SPOPL: variants seen among roughly 807,000 people sequenced by gnomAD.
SPOPL encodes speckle type BTB/POZ protein like, also known as speckle-type POZ protein-like.
In SPOPL, 23 loss-of-function variants were observed where a neutral mutation model predicts 53.8. The ratio of observed to expected loss-of-function variants is 0.43; its 90% confidence interval spans 0.31 to 0.61. The LOEUF is 0.61. Ranked by LOEUF, SPOPL falls within the 20% of genes least tolerant of loss-of-function variation. The pLI, the probability that SPOPL is intolerant of heterozygous loss-of-function variation, is 0.12. For synonymous variants in SPOPL, 164 were observed against 149.7 expected (o/e 1.10, Z -0.70); for missense variants, 442 against 466.9 (o/e 0.95, Z 0.49).
chr2:138,514,322 G>A (rs955136785), intron 1 of SPOPL, among the ~76,000 whole-genome samples: 1 of 152,108 alleles, frequency 6.6e-6, no homozygotes, highest in Non-Finnish European at 1.5e-5. Flanking sequence ...TGGGAGAGAG[G>A]GCTTCCGTTT....
intron 5 of SPOPL, among the ~76,000 whole-genome samples, chr2:138,556,631 A>G (rs142827098): frequency 2.2e-3 from 339 of 152,310 alleles, no homozygotes; most frequent in African/African-American, 7.3e-3. Context: ...TTGGGTAAGG[A>G]TTAGTGAAAC....
intron 1 of SPOPL, among the ~76,000 whole-genome samples, chr2:138,532,593 A>AT (rs71301784): frequency 0.035 from 3,867 of 111,866 alleles, 171 homozygotes; most frequent in African/African-American, 0.097. Context: ...CGCCCGGCTA[A>AT]TTTTTTTTTT....
At chr2:138,525,668 AAAAAAAT>A (rs1324718134) in intron 1 of SPOPL, among the ~76,000 whole-genome samples, 7 of 148,642 alleles carry the variant, frequency 4.7e-5, no homozygotes, top group African/African-American at 1.7e-4. Context: ...AAAAAAAAAA[AAAAAAAT>A]ACACAAAAAA....
At chr2:138,543,469 C>G (rs1573894154) in intron 1 of SPOPL, among the ~76,000 whole-genome samples, 2 of 152,142 alleles carry the variant, frequency 1.3e-5, no homozygotes, top group African/African-American at 4.8e-5. Flanking sequence ...TCTCTTCTCA[C>G]TTCACTTCAT....
Position 138,558,874 on chromosome 2 carries a change from A to G in SPOPL, c.481-148A>G, listed in dbSNP as rs1573906500. The stretch of plus-strand genomic sequence containing the variant: ...TTCTCTCCTTTAAATTGTGTTTTTA[A>G]TTTCAGTTTCTGGATATTAGAAATT... On this transcript the variant is annotated intron_variant, in intron 5 of 10. Coordinates refer to ENST00000280098, the MANE Select transcript of SPOPL (RefSeq NM_001001664.3). The G allele has an allele frequency of 1.2e-5, 6 of 503,978 alleles. No homozygotes were observed. The East Asian group carries it at 2.1e-4, about 18-fold the overall frequency. The allele number at this position is 503,978 out of a possible 1,614,324, so 31.2% of individuals were successfully genotyped here.
intron 1 of SPOPL, among the ~76,000 whole-genome samples, chr2:138,536,823 A>T (rs1468587446): frequency 6.6e-6 from 1 of 152,184 alleles, no homozygotes; most frequent in Non-Finnish European, 1.5e-5. Flanking sequence ...AGTCTGCTTT[A>T]TGGTCCACTT....
At chr2:138,505,121 A>G (rs1393982164) in intron 1 of SPOPL, among the ~76,000 whole-genome samples, 1 of 152,142 alleles carries the variant, frequency 6.6e-6, no homozygotes, top group Admixed American at 6.5e-5. Context: ...ATTAGAGAAA[A>G]TTCTTCACCT....
chr2:138,521,108 G>A (rs1222260294), intron 1 of SPOPL, among the ~76,000 whole-genome samples: 1 of 152,212 alleles, frequency 6.6e-6, no homozygotes, highest in Non-Finnish European at 1.5e-5. Context: ...AAAGTAATCA[G>A]GTTCTGCAGT....
chr2:138,548,039 G>A (rs1018762659), intron 1 of SPOPL, among the ~76,000 whole-genome samples: 5 of 152,006 alleles, frequency 3.3e-5, no homozygotes, highest in African/African-American at 1.2e-4. Context: ...GTATTTACAG[G>A]ATGAATCTGA....
chr2:138,547,312 A>G (rs1685217362), intron 1 of SPOPL, among the ~76,000 whole-genome samples: 1 of 152,194 alleles, frequency 6.6e-6, no homozygotes, highest in African/African-American at 2.4e-5. Context: ...TATATGAAGT[A>G]TATTTTTATA....
chr2:138,565,117 A>T, intron 10 of SPOPL, 124 bp downstream of exon 10: 1 of 1,230,158 alleles, frequency 8.1e-7, no homozygotes, highest in Admixed American at 2.2e-5. Flanking sequence ...ACTGCCAGTT[A>T]TTAAAAACAA....
intron 1 of SPOPL, among the ~76,000 whole-genome samples, chr2:138,525,663 A>AAAAAAAAAAAAAAAC (rs1558865850): frequency 1.5e-5 from 2 of 130,482 alleles, no homozygotes; most frequent in African/African-American, 2.8e-5. Context: ...GTAGAAAAAA[A>AAAAAAAAAAAAAAAC]AAAAAAAAAA....
chr2:138,555,953 A>G (rs1333493265), intron 5 of SPOPL, among the ~76,000 whole-genome samples: 1 of 151,516 alleles, frequency 6.6e-6, no homozygotes, highest in Non-Finnish European at 1.5e-5. Context: ...TGAATTTTTT[A>G]TTCTAGGTTC....
At chr2:138,529,544 G>A (rs190957692) in intron 1 of SPOPL, among the ~76,000 whole-genome samples, 44 of 150,524 alleles carry the variant, frequency 2.9e-4, no homozygotes, top group Middle Eastern at 6.9e-3. Flanking sequence ...GTTTGCGTGC[G>A]CGCGCGCTTC....
intron 1 of SPOPL, among the ~76,000 whole-genome samples, chr2:138,534,826 A>G (rs891284203): frequency 3.9e-5 from 6 of 152,214 alleles, no homozygotes; most frequent in African/African-American, 1.4e-4. Context: ...GATCTGCCCA[A>G]TATTTAAAAC....
intron 1 of SPOPL, among the ~76,000 whole-genome samples, chr2:138,522,008 G>A (rs1254497353): frequency 6.6e-6 from 1 of 152,148 alleles, no homozygotes; most frequent in African/African-American, 2.4e-5. Flanking sequence ...TTCTTAGTGT[G>A]AGATCCCAGG....
At chr2:138,564,591 T>C in intron 8 of SPOPL, 117 bp from the exon 9 acceptor site, 1 of 1,178,516 alleles carries the variant, frequency 8.5e-7, no homozygotes, top group Non-Finnish European at 1.2e-6. Flanking sequence ...TAAAGAATTT[T>C]AAAATAATCT....
At chr2:138,533,533 C>T (rs11892957) in intron 1 of SPOPL, among the ~76,000 whole-genome samples, 29,306 of 151,932 alleles carry the variant, frequency 0.19, 3,795 homozygotes, top group African/African-American at 0.37. Context: ...AATAAATGTT[C>T]ATTGTATTTC....
intron 1 of SPOPL, among the ~76,000 whole-genome samples, chr2:138,520,748 C>T (rs1185970210): frequency 1.3e-5 from 2 of 152,110 alleles, no homozygotes; most frequent in Non-Finnish European, 2.9e-5. Flanking sequence ...TGCAACTTTC[C>T]GTTGTGAGTA....
Sources: allele counts gnomAD v4.1 joint callset (sites outside exome capture counted in the v4.1 genomes callset), GRCh38; gene constraint gnomAD v4.1.1; transcripts MANE v1.5; gene names NCBI Gene and HGNC (gene_info 2026-07-23, HGNC 2026-07-21).